Variants in TIAM2 observed in about 807,000 individuals in gnomAD.
TIAM2 encodes rho guanine nucleotide exchange factor TIAM2.
Under a neutral mutation model 152.9 loss-of-function variants are expected in TIAM2, and 80 were observed. The observed-to-expected ratio is 0.52, with a 90% CI of 0.44 to 0.63. The LOEUF (loss-of-function observed/expected upper bound fraction) is 0.63, where lower values mean the gene tolerates loss of function less well. Among genes scored for constraint, TIAM2 ranks in the 30% least tolerant of loss-of-function variants. The pLI, the probability that TIAM2 is intolerant of heterozygous loss-of-function variation, is 0.00. For synonymous variants in TIAM2, 804 were observed against 838.0 expected, an observed-to-expected ratio of 0.96 and a Z score of 0.70; for missense variants, 1,965 against 2,120.1, an observed-to-expected ratio of 0.93 and a Z score of 1.44.
chr6:155,082,399 C>G lies in TIAM2; in HGVS notation c.-208-7890C>G, dbSNP rs573191935. Reference sequence around the variant, plus strand: ...GGCACTGTGGCTCACGCCTGTAATCCCAATACTTTGGGAGGCTGAGGTGGG... The same window carrying G: ...GGCACTGTGGCTCACGCCTGTAATCGCAATACTTTGGGAGGCTGAGGTGGG... On this transcript the variant is annotated intron_variant, in intron 1 of 26. Coordinates refer to ENST00000682666, the MANE Select transcript of TIAM2 (RefSeq NM_012454.4). Among the ~76,000 whole-genome samples the G allele has an allele frequency of 5.3e-5, 8 of 152,040 alleles. No individual in the cohort carries two copies. The South Asian group carries it at 1.7e-3, about 32-fold the overall frequency.
Position 155,137,283 on chromosome 6 carries a change from G to GCTCTA in TIAM2, c.1305_1309dup (p.Gln437LeufsTer34). The GCTCTA allele has an allele frequency of 6.2e-7, 1 of 1,614,208 alleles. No homozygotes were observed. Among genetic ancestry groups the GCTCTA allele is most frequent in the Non-Finnish European group, 8.5e-7 (1 of 1,180,048 alleles). On this transcript the variant is annotated frameshift_variant, in exon 5 of 27. Transcript: ENST00000682666. LOFTEE classifies it high-confidence loss of function. ...GCATCTGCTTTTCTGTGGTCAGGGG[G>GCTCTA]CTCTACTCAGATCCTGTCTCAGAGA...
intron 15 of TIAM2, among the ~76,000 whole-genome samples, chr6:155,217,263 T>C (rs1307213219): frequency 6.6e-6 from 1 of 152,250 alleles, no homozygotes; most frequent in Non-Finnish European, 1.5e-5. Context: ...CTGACAGTGA[T>C]CTTTACATGC....
At chr6:155,106,256 C>T (rs1778686507) in intron 2 of TIAM2, among the ~76,000 whole-genome samples, 1 of 151,986 alleles carries the variant, frequency 6.6e-6, no homozygotes, top group Admixed American at 6.6e-5. Context: ...CTACCCTCCT[C>T]GGCCTCCCAA....
At chr6:155,034,006 C>T (rs562691232) in intron 1 of TIAM2, among the ~76,000 whole-genome samples, 17 of 151,088 alleles carry the variant, frequency 1.1e-4, no homozygotes, top group Non-Finnish European at 1.5e-5. Context: ...CGTGAGCCAC[C>T]GCACCCGGCC....
At chr6:155,060,874 G>A (rs1404802495) in intron 1 of TIAM2, among the ~76,000 whole-genome samples, 1 of 152,162 alleles carries the variant, frequency 6.6e-6, no homozygotes, top group Non-Finnish European at 1.5e-5. Flanking sequence ...CAGCATGGGC[G>A]ACAAGAGCAA....
intron 15 of TIAM2, among the ~76,000 whole-genome samples, chr6:155,240,134 T>A (rs1354415900): frequency 6.6e-6 from 1 of 152,220 alleles, no homozygotes; most frequent in Non-Finnish European, 1.5e-5. Context: ...AGGCCAACCA[T>A]TGAGGGGACT....
At chr6:155,053,382 T>A (rs1777363933) in intron 1 of TIAM2, among the ~76,000 whole-genome samples, 1 of 152,018 alleles carries the variant, frequency 6.6e-6, no homozygotes. Context: ...CTTGAACTCT[T>A]GATCTCATGC....
At chr6:155,243,917 GC>G in intron 16 of TIAM2, 93 bp from the exon 17 acceptor site, 1 of 784,856 alleles carries the variant, frequency 1.3e-6, no homozygotes, top group Non-Finnish European at 2.2e-6. Context: ...CCTGATGGGA[GC>G]CTTGGGAGCT....
At chr6:155,076,019 A>G (rs1278844244) in intron 1 of TIAM2, among the ~76,000 whole-genome samples, 2 of 152,224 alleles carry the variant, frequency 1.3e-5, no homozygotes, top group Non-Finnish European at 2.9e-5. Context: ...CAGACAGGGC[A>G]GGTTTTCAGT....
At position 155,217,746 on chromosome 6, in the gene TIAM2, C is replaced by T. The variant is rs1028846269; in HGVS notation, c.3168+6439C>T. 5.9e-5 allele frequency among the ~76,000 whole-genome samples: 9 copies of T among 152,206 alleles called. No individual in the cohort carries two copies. In the East Asian group the frequency reaches 9.6e-4, roughly 16 times the overall value. On this transcript the variant is annotated intron_variant, in intron 15 of 26. Coordinates refer to ENST00000682666, the MANE Select transcript of TIAM2 (RefSeq NM_012454.4). ...AGAGAGCATTGAGAATCTGGAGATACACAGCGTGACAACTGTGTGTTGTGC... is the reference window on the plus strand; with the variant it reads ...AGAGAGCATTGAGAATCTGGAGATATACAGCGTGACAACTGTGTGTTGTGC...
rs1397739336 is a variant in TIAM2 at position 155,129,318 on chromosome 6, T to C, written c.95T>C (p.Ile32Thr). The change falls in exon 4 of 27, where the codon ATA becomes ACA. Residue 32 changes from isoleucine (I) to threonine (T), a missense_variant. By Grantham distance (89) the Ile-to-Thr change is moderately conservative. Transcript: ENST00000682666. This position sits in a 1 kb window ranked among gnomAD's most constrained non-coding sequence, Gnocchi z 4.8. ...AAGCAAATTCCTTGCTCCCTGAAAA[T>C]ACGTGGCATTCATGCAAAAGAGGAA... ...GAKQIPCSLK[I>T]RGIHAKEEKS... 17 of 1,614,078 alleles carry C rather than the reference T, an allele frequency of 1.1e-5. No homozygotes were observed. The highest frequency in any genetic ancestry group is 1.4e-5 in the Non-Finnish European group (17 of 1,180,024).
Position 155,129,643 on chromosome 6 carries a change from C to T in TIAM2, c.420C>T (p.Cys140=). 2 of 1,614,142 alleles carry T rather than the reference C, an allele frequency of 1.2e-6. No homozygotes were observed. The highest frequency in any genetic ancestry group is 1.7e-6 in the Non-Finnish European group (2 of 1,180,032). The stretch of plus-strand genomic sequence containing the variant: ...ACTGCAACGGACACCTTCTCAACTG[C>T]TACGGGAGGAATGAGAGCATTGCCT... The part of the protein sequence containing the change: ...SRDCNGHLLN[C]YGRNESIAST... Residue 140 remains cysteine (C), a synonymous_variant, in exon 4 of 27, where the codon TGC becomes TGT. Transcript: ENST00000682666. The surrounding 1 kb of genome is among the most constrained non-coding windows in gnomAD (Gnocchi z 4.8).
At chr6:155,253,360 A>C (rs1783789288) in intron 24 of TIAM2, 2 of 313,860 alleles carry the variant, frequency 6.4e-6, no homozygotes, top group Non-Finnish European at 1.2e-5. Context: ...AGATCCACAA[A>C]TTTATGTTTT....
intron 1 of TIAM2, among the ~76,000 whole-genome samples, chr6:155,072,739 A>G (rs1777867257): frequency 6.6e-6 from 1 of 152,156 alleles, no homozygotes; most frequent in Admixed American, 6.5e-5. Context: ...TATTGAAGAC[A>G]CAGAGATGAG....
intron 1 of TIAM2, among the ~76,000 whole-genome samples, chr6:155,042,553 C>T (rs1297047517): frequency 2.6e-5 from 4 of 152,110 alleles, no homozygotes; most frequent in Non-Finnish European, 5.9e-5. Flanking sequence ...GCTGGGATCG[C>T]GCCGCTGCAG....
rs769722356 is a variant in TIAM2 at position 155,249,908 on chromosome 6, A to G, written c.3890A>G (p.Tyr1297Cys). 42 of 1,614,080 alleles carry G rather than the reference A, an allele frequency of 2.6e-5. No homozygotes were observed. In the South Asian group the frequency reaches 4.3e-4, roughly 16 times the overall value. The change falls in exon 21 of 27, where the codon TAT becomes TGT. Residue 1297 changes from tyrosine (Y) to cysteine (C), a missense_variant. Transcript: ENST00000682666. ...ASHINEMQKI[Y>C]EDYGTVFDQL... is the part of the protein sequence containing the mutation. ...CACATCAATGAGATGCAGAAGATCT[A>G]TGAGGATTATGGGACCGTGTTTGAC...
chr6:155,148,664 C>A (rs1219906392), intron 7 of TIAM2, among the ~76,000 whole-genome samples: 1 of 152,074 alleles, frequency 6.6e-6, no homozygotes, highest in African/African-American at 2.4e-5. Flanking sequence ...AAAATCCATA[C>A]AATAAAACCA....
At chr6:155,120,412 C>T (rs1024283645) in intron 2 of TIAM2, among the ~76,000 whole-genome samples, 5 of 152,176 alleles carry the variant, frequency 3.3e-5, no homozygotes, top group African/African-American at 1.2e-4. Context: ...ACCAGATGTT[C>T]CTTTTGCCTG....
chr6:155,151,231 T>G (rs1449217695), intron 7 of TIAM2, among the ~76,000 whole-genome samples: 1 of 152,198 alleles, frequency 6.6e-6, no homozygotes, highest in Admixed American at 6.5e-5. Context: ...GCCTGAGGGC[T>G]TCTCTTTTTA....
Sources: allele counts gnomAD v4.1 joint callset (sites outside exome capture counted in the v4.1 genomes callset), GRCh38; gene constraint gnomAD v4.1.1; non-coding constraint Gnocchi (gnomAD v3.1); transcripts MANE v1.5; gene names NCBI Gene and HGNC (gene_info 2026-07-23, HGNC 2026-07-21).